NCKAP5: variants seen among roughly 807,000 people sequenced by gnomAD.
NCKAP5 encodes NCK associated protein 5.
In NCKAP5, 92 loss-of-function variants were observed where a neutral mutation model predicts 167.0. The ratio of observed to expected loss-of-function variants is 0.55; its 90% confidence interval spans 0.47 to 0.66. The LOEUF (loss-of-function observed/expected upper bound fraction) is 0.66. Among genes scored for constraint, NCKAP5 ranks in the 30% least tolerant of loss-of-function variants. The pLI, the probability that NCKAP5 is intolerant of heterozygous loss-of-function variation, is 0.00. For synonymous variants in NCKAP5, 891 were observed against 877.4 expected, an observed-to-expected ratio of 1.02 and a Z score of -0.27; for missense variants, 2,378 against 2,315.0, an observed-to-expected ratio of 1.03 and a Z score of -0.56.
chr2:132,688,626 GCAGATGTTTGAAGCTGA>G, intron 19 of NCKAP5, among the ~76,000 whole-genome samples: 1 of 152,218 alleles, frequency 6.6e-6, no homozygotes, highest in East Asian at 1.9e-4. Context: ...TTGGGCAGCA[GCAGATGTTTGAAGCTGA>G]GCTACATCAC....
At chr2:133,414,164 AG>A (rs1311295495) in intron 3 of NCKAP5, among the ~76,000 whole-genome samples, 2 of 152,234 alleles carry the variant, frequency 1.3e-5, no homozygotes, top group African/African-American at 4.8e-5. Flanking sequence ...AAATACAGTG[AG>A]TTCTTAAAGT....
At chr2:133,371,899 C>T (rs1465514495) in intron 3 of NCKAP5, among the ~76,000 whole-genome samples, 6 of 152,114 alleles carry the variant, frequency 3.9e-5, no homozygotes, top group Admixed American at 3.9e-4. Flanking sequence ...ATCAAGGATT[C>T]ATTGAGTTGT....
rs146319772 is a variant in NCKAP5 at position 132,718,652 on chromosome 2, C to T, written c.5713+6975G>A. Among the ~76,000 whole-genome samples the T allele has an allele frequency of 6.6e-3, 998 of 152,276 alleles. 9 individuals are homozygous for T. Among genetic ancestry groups the T allele is most frequent in the African/African-American group, 0.022 (935 of 41,558 alleles). On this transcript the variant is annotated intron_variant, in intron 19 of 19. Coordinates refer to ENST00000409261, the MANE Select transcript of NCKAP5 (RefSeq NM_207363.3). The stretch of plus-strand genomic sequence containing the variant: ...GTGTCCTCAAAGAAGAAGAAAGGTC[C>T]TTATTGTATTTCTCCCTGCAGGTAG...
intron 5 of NCKAP5, among the ~76,000 whole-genome samples, chr2:133,211,499 C>T (rs566380895): frequency 6.6e-6 from 1 of 152,164 alleles, no homozygotes; most frequent in East Asian, 1.9e-4. Flanking sequence ...CAATACTATG[C>T]ATGTTCTATT....
intron 2 of NCKAP5, among the ~76,000 whole-genome samples, chr2:133,521,504 T>C (rs1380821574): frequency 6.6e-6 from 1 of 152,258 alleles, no homozygotes; most frequent in African/African-American, 2.4e-5. Context: ...CTGAGCGGAT[T>C]ACACAACAGA....
chr2:132,782,725 A>T lies in NCKAP5; in HGVS notation c.4086T>A (p.His1362Gln). Residue 1362 changes from histidine to glutamine, a missense_variant, in exon 14 of 20, where the codon CAT becomes CAA. His to Gln is a conservative substitution (Grantham distance 24). Around this residue, in one of 3 missense-constraint regions of NCKAP5, gnomAD observed 1,325 missense variants for 1,274.5 expected, o/e 1.04. Coordinates refer to ENST00000409261, the MANE Select transcript of NCKAP5 (RefSeq NM_207363.3). ...TCAAAGGCAACTTACTTGGGCTCCC[A>T]TGCTGACTGCTGAAGCTGCCTGAGC... ...LGSSGSFSSQ[H>Q]GSPSKLPLRI... 1.2e-6 allele frequency: 2 copies of T among 1,613,982 alleles called. No homozygotes were observed. The highest frequency in any genetic ancestry group is 1.7e-6 in the Non-Finnish European group (2 of 1,179,870).
intron 16 of NCKAP5, among the ~76,000 whole-genome samples, chr2:132,737,750 G>C (rs780567150): frequency 1.6e-4 from 25 of 152,100 alleles, no homozygotes; most frequent in Non-Finnish European, 3.2e-4. Flanking sequence ...CACAATGCTT[G>C]CAAGAGGCAC....
the NCKAP5 span, among the ~76,000 whole-genome samples, chr2:133,643,366 C>A: frequency 6.6e-6 from 1 of 152,194 alleles, no homozygotes; most frequent in African/African-American, 2.4e-5. Flanking sequence ...TATCACAGCC[C>A]ACCCCACAAC....
chr2:133,115,775 G>GTA (rs10683280), intron 6 of NCKAP5, among the ~76,000 whole-genome samples: 9,486 of 92,906 alleles, frequency 0.1, 434 homozygotes, highest in Middle Eastern at 0.15. Flanking sequence ...ATGTGTGTGT[G>GTA]TATATATATA....
At chr2:133,005,443 A>G (rs1437848750) in intron 6 of NCKAP5, among the ~76,000 whole-genome samples, 2 of 152,226 alleles carry the variant, frequency 1.3e-5, no homozygotes, top group African/African-American at 2.4e-5. Context: ...TCAATAGTTA[A>G]TATCATTTCC....
chr2:133,095,017 C>A (rs78283808), intron 6 of NCKAP5, among the ~76,000 whole-genome samples: 4 of 152,212 alleles, frequency 2.6e-5, no homozygotes, highest in South Asian at 2.1e-4. Context: ...CTTCTCAGAA[C>A]CTCCAGATAA....
upstream of NCKAP5, among the ~76,000 whole-genome samples, chr2:133,568,854 T>G (rs1688741685): frequency 6.6e-6 from 1 of 152,182 alleles, no homozygotes; most frequent in Admixed American, 6.5e-5. Context: ...TGTCTTACAT[T>G]GCTTAATTAC....
At chr2:132,952,157 A>AAC (rs1394590661) in intron 8 of NCKAP5, among the ~76,000 whole-genome samples, 8 of 152,186 alleles carry the variant, frequency 5.3e-5, no homozygotes, top group African/African-American at 1.9e-4. Flanking sequence ...ACATTAAACC[A>AAC]ACACACAATT....
intron 3 of NCKAP5, among the ~76,000 whole-genome samples, chr2:133,472,761 G>A (rs1312085703): frequency 1.3e-5 from 2 of 152,132 alleles, no homozygotes; most frequent in Non-Finnish European, 2.9e-5. Context: ...GATATTCTCA[G>A]ATAATGGCAC....
At chr2:133,116,181 C>T (rs1398465402) in intron 6 of NCKAP5, among the ~76,000 whole-genome samples, 2 of 151,568 alleles carry the variant, frequency 1.3e-5, no homozygotes, top group East Asian at 2.0e-4. Context: ...TTTTTTGTAA[C>T]TTACGCAAAA....
chr2:133,121,919 T>C (rs2082263302), intron 6 of NCKAP5: 1 of 152,210 alleles, frequency 6.6e-6, no homozygotes, highest in African/African-American at 2.4e-5. Context: ...AACTACTGAT[T>C]TTTGCAAAAA....
At chr2:133,257,182 T>C (rs2088659990) in intron 4 of NCKAP5, among the ~76,000 whole-genome samples, 1 of 152,164 alleles carries the variant, frequency 6.6e-6, no homozygotes, top group South Asian at 2.1e-4. Context: ...CAGAAACCTG[T>C]CAAGCAAGAG....
intron 8 of NCKAP5, among the ~76,000 whole-genome samples, chr2:132,900,396 T>C (rs1401663079): frequency 6.6e-6 from 1 of 152,144 alleles, no homozygotes; most frequent in Non-Finnish European, 1.5e-5. Flanking sequence ...CTTCACCTAG[T>C]TTTGATAATA....
chr2:132,685,760 G>C (rs1413509510), intron 19 of NCKAP5, among the ~76,000 whole-genome samples: 1 of 152,134 alleles, frequency 6.6e-6, no homozygotes, highest in Non-Finnish European at 1.5e-5. Context: ...TAGGTAGAGA[G>C]CTGCAGTAGA....
Sources: allele counts gnomAD v4.1 joint callset (sites outside exome capture counted in the v4.1 genomes callset), GRCh38; gene constraint gnomAD v4.1.1; regional missense constraint gnomAD v4.1.1; transcripts MANE v1.5; gene names NCBI Gene and HGNC (gene_info 2026-07-23, HGNC 2026-07-21).